Variants in MICU1 observed in about 807,000 individuals in gnomAD.
MICU1 encodes the protein mitochondrial calcium uptake 1.
Under a neutral mutation model 56.8 loss-of-function variants are expected in MICU1, and 45 were observed. That is an observed-to-expected ratio of 0.79 (90% confidence interval 0.62 to 1.02). MICU1 has a LOEUF of 1.02. Among genes scored for constraint, MICU1 ranks in the 50% least tolerant of loss-of-function variants. The probability of loss-of-function intolerance (pLI) is 0.00; values close to 1 mark genes in which losing one functional copy is unlikely to be tolerated. For missense variants in MICU1, 504 were observed against 587.1 expected (o/e 0.86, Z 1.46); for synonymous variants, 186 against 195.1 (o/e 0.95, Z 0.39).
chr10:72,470,111 T>C (rs535999436), intron 8 of MICU1, among the ~76,000 whole-genome samples: 47 of 152,302 alleles, frequency 3.1e-4, no homozygotes, highest in Non-Finnish European at 5.4e-4. Context: ...CACTTAACCA[T>C]TGCCCTGTTT....
At chr10:72,513,470 T>C (rs533769448) in intron 5 of MICU1, among the ~76,000 whole-genome samples, 2 of 152,368 alleles carry the variant, frequency 1.3e-5, no homozygotes, top group Admixed American at 6.5e-5. Context: ...ATCCTTATCA[T>C]AGACATATCT....
chr10:72,477,591 T>C, intron 6 of MICU1: 3 of 1,508,282 alleles, frequency 2.0e-6, no homozygotes, highest in Non-Finnish European at 2.7e-6. Flanking sequence ...TGCTTCAATA[T>C]GGTATTACTT....
Position 72,397,199 on chromosome 10 carries a change from G to A in MICU1, c.1180+10730C>T, listed in dbSNP as rs552715141. On this transcript the variant is annotated intron_variant, in intron 10 of 11. Transcript: ENST00000361114. Reference sequence around the variant, plus strand: ...GCCAAACTAAGCTTCATAAGTGAAGGAGAAATAAAATCCTTTACAAACAAG... The same window carrying A: ...GCCAAACTAAGCTTCATAAGTGAAGAAGAAATAAAATCCTTTACAAACAAG... Among the ~76,000 whole-genome samples the A allele has an allele frequency of 5.3e-5, 8 of 152,258 alleles. No individual in the cohort carries two copies. In the East Asian group the frequency reaches 1.5e-3, roughly 29 times the overall value.
At chr10:72,487,280 A>G (rs1589268958) in intron 6 of MICU1, among the ~76,000 whole-genome samples, 1 of 152,208 alleles carries the variant, frequency 6.6e-6, no homozygotes, top group South Asian at 2.1e-4. Flanking sequence ...CAATTGGTTT[A>G]GCACATACAA....
At chr10:72,548,524 T>C (rs900391000) in intron 4 of MICU1, among the ~76,000 whole-genome samples, 3 of 152,236 alleles carry the variant, frequency 2.0e-5, no homozygotes, top group Non-Finnish European at 2.9e-5. Flanking sequence ...ACTACATGTC[T>C]TGAATTGGCT....
intron 1 of MICU1, among the ~76,000 whole-genome samples, chr10:72,593,609 T>C (rs983618010): frequency 6.6e-6 from 1 of 151,800 alleles, no homozygotes; most frequent in Non-Finnish European, 1.5e-5. Flanking sequence ...CATGATCTTA[T>C]ATGTAGAAAA....
intron 9 of MICU1, among the ~76,000 whole-genome samples, chr10:72,422,529 T>C (rs1215330130): frequency 6.6e-6 from 1 of 152,110 alleles, no homozygotes; most frequent in Non-Finnish European, 1.5e-5. Context: ...AGGGATGCCT[T>C]CCAACTAGAC....
intron 9 of MICU1, among the ~76,000 whole-genome samples, chr10:72,421,937 C>T (rs1236247347): frequency 3.9e-5 from 6 of 152,178 alleles, no homozygotes; most frequent in African/African-American, 1.4e-4. Flanking sequence ...TCAGCTCAGG[C>T]CACTCTCCTT....
Position 72,616,840 on chromosome 10 carries a change from T to C in MICU1, c.-2+9170A>G, listed in dbSNP as rs140111148. 1.7e-4 allele frequency among the ~76,000 whole-genome samples: 26 copies of C among 152,256 alleles called. No individual in the cohort carries two copies. In the East Asian group the frequency reaches 5.0e-3, roughly 29 times the overall value. The stretch of plus-strand genomic sequence containing the variant: ...TCCCTCTCTGCAGCTATTTCCAGTT[T>C]TCTGCCCTGCAAACTCCAGATGCTT... On this transcript the variant is annotated intron_variant, in intron 1 of 11. Transcript: ENST00000361114.
At chr10:72,429,436 G>GA in intron 8 of MICU1, among the ~76,000 whole-genome samples, 1 of 109,064 alleles carries the variant, frequency 9.2e-6, no homozygotes, top group Non-Finnish European at 2.0e-5. Flanking sequence ...AAAAAAAAAA[G>GA]AAAAAAAATT....
intron 4 of MICU1, among the ~76,000 whole-genome samples, chr10:72,537,618 G>A (rs1272129570): frequency 6.6e-6 from 1 of 152,048 alleles, no homozygotes. Context: ...CCTTTTTATT[G>A]ATAAGAAAGC....
intron 1 of MICU1, among the ~76,000 whole-genome samples, chr10:72,590,225 C>T (rs919714866): frequency 2.6e-5 from 4 of 151,948 alleles, no homozygotes; most frequent in Admixed American, 2.0e-4. Context: ...ATATTCCATG[C>T]AAATGGTAAC....
intron 1 of MICU1, among the ~76,000 whole-genome samples, chr10:72,618,592 T>G (rs1034231735): frequency 1.3e-5 from 2 of 152,212 alleles, no homozygotes; most frequent in African/African-American, 4.8e-5. Flanking sequence ...TAAAATCTGC[T>G]TAAAATTTTA....
chr10:72,586,984 A>C (rs1223228724), intron 1 of MICU1, among the ~76,000 whole-genome samples: 1 of 152,196 alleles, frequency 6.6e-6, no homozygotes, highest in East Asian at 1.9e-4. Flanking sequence ...AAATAATACT[A>C]AGCAGAAAGA....
intron 6 of MICU1, among the ~76,000 whole-genome samples, chr10:72,500,044 C>T (rs1356995382): frequency 6.6e-6 from 1 of 151,788 alleles, no homozygotes; most frequent in Non-Finnish European, 1.5e-5. Flanking sequence ...TGTGAAAACA[C>T]TTAATTCAAT....
intron 3 of MICU1, among the ~76,000 whole-genome samples, chr10:72,558,072 G>C (rs1055107176): frequency 3.9e-5 from 6 of 152,234 alleles, no homozygotes; most frequent in African/African-American, 1.4e-4. Flanking sequence ...AAAGCTATCA[G>C]AAATATAAAA....
At chr10:72,409,565 C>A (rs1449684803) in intron 9 of MICU1, among the ~76,000 whole-genome samples, 1 of 152,080 alleles carries the variant, frequency 6.6e-6, no homozygotes, top group African/African-American at 2.4e-5. Flanking sequence ...GTGGCATGTG[C>A]CTATAGTACC....
intron 1 of MICU1, among the ~76,000 whole-genome samples, chr10:72,599,935 T>C (rs1036164821): frequency 2.6e-5 from 4 of 152,176 alleles, no homozygotes; most frequent in East Asian, 1.9e-4. Flanking sequence ...AAGAATCATA[T>C]GCCAAGGCTG....
At chr10:72,569,487 G>A (rs952332482) in intron 1 of MICU1, among the ~76,000 whole-genome samples, 5 of 151,182 alleles carry the variant, frequency 3.3e-5, no homozygotes, top group African/African-American at 7.3e-5. Context: ...TACCTGCCTC[G>A]GCTTCCCAAA....
Sources: allele counts gnomAD v4.1 joint callset (sites outside exome capture counted in the v4.1 genomes callset), GRCh38; gene constraint gnomAD v4.1.1; transcripts MANE v1.5; gene names NCBI Gene and HGNC (gene_info 2026-07-23, HGNC 2026-07-21).